The following AFF1 variants were observed in gnomAD, a reference collection of about 807,000 sequenced individuals.
AFF1 encodes ALF transcription elongation factor 1.
Under a neutral mutation model 121.7 loss-of-function variants are expected in AFF1, and 48 were observed. That is an observed-to-expected ratio of 0.39 (90% CI 0.31 to 0.50). The LOEUF (loss-of-function observed/expected upper bound fraction) is 0.50. Ranked by LOEUF, AFF1 falls within the 20% of genes least tolerant of loss-of-function variation. AFF1 has a pLI of 0.76. For missense variants in AFF1, 1,523 were observed against 1,511.7 expected (o/e 1.01, Z -0.12); for synonymous variants, 613 against 563.0 (o/e 1.09, Z -1.26).
At chr4:86,951,700 A>G (rs1351404364) in intron 2 of AFF1, among the ~76,000 whole-genome samples, 3 of 135,870 alleles carry the variant, frequency 2.2e-5, no homozygotes, top group African/African-American at 8.9e-5. Context: ...TTGGCTCACT[A>G]CAACCTCCAC....
intron 2 of AFF1, among the ~76,000 whole-genome samples, chr4:87,035,749 C>T (rs1729505569): frequency 6.6e-6 from 1 of 152,084 alleles, no homozygotes; most frequent in African/African-American, 2.4e-5. Context: ...AAGTGAAGTC[C>T]ATTTTATTTG....
intron 2 of AFF1, among the ~76,000 whole-genome samples, chr4:86,984,544 G>T (rs34077745): frequency 0.064 from 9,717 of 151,980 alleles, 429 homozygotes; most frequent in Non-Finnish European, 0.091. Flanking sequence ...GGCTAGTCTC[G>T]AACTCTGAGC....
chr4:87,011,133 C>T (rs1726712266), intron 2 of AFF1, among the ~76,000 whole-genome samples: 2 of 151,750 alleles, frequency 1.3e-5, no homozygotes, highest in African/African-American at 2.4e-5. Context: ...CTGAGAACCC[C>T]TGGCCCTTCT....
intron 5 of AFF1, among the ~76,000 whole-genome samples, chr4:87,085,730 A>T (rs1158091162): frequency 2.0e-5 from 3 of 151,256 alleles, no homozygotes; most frequent in Non-Finnish European, 2.9e-5. Context: ...TGAGAAAGAA[A>T]GAACCTCTAG....
chr4:86,967,268 G>C (rs750925041), intron 2 of AFF1, among the ~76,000 whole-genome samples: 4 of 152,190 alleles, frequency 2.6e-5, no homozygotes, highest in Non-Finnish European at 4.4e-5. Flanking sequence ...GGATAAAAGA[G>C]AGATGTGTGT....
intron 1 of AFF1, among the ~76,000 whole-genome samples, chr4:86,938,324 C>A (rs1720195244): frequency 6.6e-6 from 1 of 151,958 alleles, no homozygotes; most frequent in African/African-American, 2.4e-5. Flanking sequence ...ATGGCGTGCT[C>A]CTGTAATTAC....
chr4:87,099,289 C>T (rs555652338), intron 8 of AFF1, among the ~76,000 whole-genome samples: 62 of 152,258 alleles, frequency 4.1e-4, no homozygotes, highest in African/African-American at 1.3e-3. Flanking sequence ...ACAGTTCTTC[C>T]GCTTCCCAAA....
rs1455543655 is a variant in AFF1 at position 87,114,592 on chromosome 4, C to T, written c.1759C>T (p.Pro587Ser). The T allele has an allele frequency of 4.3e-6, 7 of 1,609,724 alleles. No individual in the cohort carries two copies. The highest frequency in any genetic ancestry group is 5.1e-6 in the Non-Finnish European group (6 of 1,178,674). ...APRAPPEAPH[P>S]GKRSCQKSPA... is the part of the protein sequence containing the mutation. Reference sequence around the variant, plus strand: ...CCGGGCCCCACCCGAAGCCCCCCACCCCGGAAAGAGGAGCTGTCAGAAGTC... The same window carrying T: ...CCGGGCCCCACCCGAAGCCCCCCACTCCGGAAAGAGGAGCTGTCAGAAGTC... The change falls in exon 12 of 21, where the codon CCC (proline) becomes TCC (serine). Residue 587 changes from proline to serine, a missense_variant. Around this residue, in one of 5 missense-constraint regions of AFF1, gnomAD observed 905 missense variants for 842.5 expected, o/e 1.07. Transcript: ENST00000395146.
At chr4:87,052,141 A>G (rs1731330263) in intron 4 of AFF1, among the ~76,000 whole-genome samples, 1 of 152,116 alleles carries the variant, frequency 6.6e-6, no homozygotes, top group South Asian at 2.1e-4. Context: ...AGGAAAAGGC[A>G]TGGCCTTGTT....
rs1223764379 is a variant in AFF1, at chr4:87,094,934, A to G, written c.1248A>G (p.Ser416=). ...TQNQKQYDTS[S]KTHSNSQQGT... ...CCACAGAACAATATGATACATCTTC[A>G]AAAACTCACTCAAATTCTCAGCAAG... The change falls in exon 8 of 21, where the codon TCA becomes TCG. Residue 416 remains serine, a synonymous_variant. Coordinates refer to ENST00000395146, the MANE Select transcript of AFF1 (RefSeq NM_001166693.3). The G allele has an allele frequency of 3.1e-6, 5 of 1,613,850 alleles. No homozygotes were observed. Among genetic ancestry groups the G allele is most frequent in the Non-Finnish European group, 4.2e-6 (5 of 1,179,850 alleles).
intron 4 of AFF1, among the ~76,000 whole-genome samples, chr4:87,051,409 CT>C (rs1184291332): frequency 7.2e-6 from 1 of 138,774 alleles, no homozygotes; most frequent in South Asian, 2.2e-4. Flanking sequence ...TTTTTCTTTC[CT>C]TTTTCTTTTT....
At chr4:87,031,260 T>G (rs753788049) in intron 2 of AFF1, among the ~76,000 whole-genome samples, 3 of 152,162 alleles carry the variant, frequency 2.0e-5, no homozygotes, top group Admixed American at 6.5e-5. Flanking sequence ...ACTTAAGTGC[T>G]GTCTTGGGGC....
chr4:86,936,503 C>G (rs1720010306), intron 1 of AFF1: 1 of 150,464 alleles, frequency 6.6e-6, no homozygotes, highest in Non-Finnish European at 1.5e-5. Context: ...TGGGTTACCT[C>G]TCTCAGACCT....
intron 2 of AFF1, among the ~76,000 whole-genome samples, chr4:86,957,900 C>T (rs1316910192): frequency 6.6e-6 from 1 of 152,038 alleles, no homozygotes; most frequent in Non-Finnish European, 1.5e-5. Context: ...AAACAACTAT[C>T]CTTTTTCCTC....
chr4:87,103,534 T>A (rs1725628933), intron 8 of AFF1, among the ~76,000 whole-genome samples: 2 of 152,260 alleles, frequency 1.3e-5, no homozygotes, highest in African/African-American at 4.8e-5. Context: ...CAGTCCGTAC[T>A]CTTTAGGTTT....
chr4:87,042,578 A>G lies in AFF1; in HGVS notation c.39-3588A>G, dbSNP rs536459156. Among the ~76,000 whole-genome samples, 8 of 152,306 alleles carry G rather than the reference A, an allele frequency of 5.3e-5. No homozygotes were observed. The East Asian group carries it at 1.3e-3, about 26-fold the overall frequency. ...CCATGATGTCTTTTTTCACCTCACT[A>G]CTTATAGGGCTTTTAGTTGAAGGGT... On this transcript the variant is annotated intron_variant, in intron 2 of 20. Coordinates refer to ENST00000395146, the MANE Select transcript of AFF1 (RefSeq NM_001166693.3).
intron 2 of AFF1, among the ~76,000 whole-genome samples, chr4:86,986,542 TA>T (rs1174638217): frequency 1.3e-5 from 2 of 152,100 alleles, no homozygotes; most frequent in Admixed American, 6.6e-5. Context: ...AGAAACATGT[TA>T]AAGGACTCTT....
intron 2 of AFF1, among the ~76,000 whole-genome samples, chr4:86,974,568 AGCT>A (rs1677953261): frequency 6.6e-6 from 1 of 152,160 alleles, no homozygotes; most frequent in Non-Finnish European, 1.5e-5. Context: ...GTTGCTATGA[AGCT>A]GCTGTTTTTC....
In AFF1 at chr4:87,134,655, C is replaced by T; in HGVS notation, c.3496C>T (p.Leu1166Phe). 1 of 1,614,142 alleles carries T rather than the reference C, an allele frequency of 6.2e-7. No homozygotes were observed. Among genetic ancestry groups the T allele is most frequent in the Admixed American group, 1.7e-5 (1 of 60,018 alleles). ...ITSHVLTAFD[L>F]WEQAEALTRK... ...ATCCCATGTTCTTACCGCCTTTGAC[C>T]TTTGGGAACAGGCCGAGGCCCTCAC... Residue 1166 changes from leucine (L) to phenylalanine (F), a missense_variant, in exon 20 of 21, where the codon CTT becomes TTT. By Grantham distance (22) the Leu-to-Phe change is conservative. Transcript: ENST00000395146.
Sources: gnomAD v4.1 joint callset for allele counts (sites outside exome capture counted in the v4.1 genomes callset) on GRCh38, gnomAD v4.1.1 for gene constraint, gnomAD v4.1.1 regional missense constraint, MANE v1.5 for transcripts, NCBI Gene and HGNC (gene_info 2026-07-23, HGNC 2026-07-21) for gene names.